SUGCT: variants seen among roughly 807,000 people sequenced by gnomAD.
SUGCT encodes succinyl-CoA:glutarate-CoA transferase.
A neutral mutation model predicts 55.0 loss-of-function variants in SUGCT; 41 were observed. The ratio of observed to expected loss-of-function variants is 0.74; its 90% CI spans 0.58 to 0.97. The LOEUF (loss-of-function observed/expected upper bound fraction) is 0.97, where lower values mean the gene tolerates loss of function less well. Among genes scored for constraint, SUGCT ranks in the 50% least tolerant of loss-of-function variants. SUGCT has a pLI of 0.00. For synonymous variants in SUGCT, 187 were observed against 200.4 expected (o/e 0.93, Z 0.56); for missense variants, 568 against 547.8 (o/e 1.04, Z -0.37).
intron 9 of SUGCT, among the ~76,000 whole-genome samples, chr7:40,444,882 T>G (rs982984710): frequency 2.0e-5 from 3 of 152,240 alleles, no homozygotes; most frequent in African/African-American, 7.2e-5. Flanking sequence ...CCTCTTATTA[T>G]TTTGAGATAC....
chr7:40,876,023 C>A, the SUGCT span, among the ~76,000 whole-genome samples: 2 of 152,208 alleles, frequency 1.3e-5, no homozygotes, highest in East Asian at 1.9e-4. Flanking sequence ...GGGAAAAGAA[C>A]CTGGGTTTTG....
intron 12 of SUGCT, among the ~76,000 whole-genome samples, chr7:40,575,021 G>T (rs190269611): frequency 6.6e-6 from 1 of 151,144 alleles, no homozygotes; most frequent in East Asian, 1.9e-4. Flanking sequence ...CCCCTCCATC[G>T]CACTGCCTCT....
chr7:40,711,763 T>C (rs773198103), intron 12 of SUGCT, among the ~76,000 whole-genome samples: 11 of 152,250 alleles, frequency 7.2e-5, no homozygotes, highest in Admixed American at 4.6e-4. Context: ...ATTCTGTTTA[T>C]ATTTGAAGTC....
intron 12 of SUGCT, among the ~76,000 whole-genome samples, chr7:40,614,529 A>G (rs1417586204): frequency 6.6e-6 from 1 of 152,198 alleles, no homozygotes; most frequent in Non-Finnish European, 1.5e-5. Flanking sequence ...TGCAGTAGTC[A>G]TTGCTATAGA....
intron 11 of SUGCT, among the ~76,000 whole-genome samples, chr7:40,479,967 T>A (rs1473336006): frequency 6.6e-6 from 1 of 152,176 alleles, no homozygotes; most frequent in African/African-American, 2.4e-5. Flanking sequence ...ATTCTGTACA[T>A]CATCTCTTCA....
chr7:40,261,899 G>C (rs1234471871), intron 7 of SUGCT, among the ~76,000 whole-genome samples: 4 of 152,192 alleles, frequency 2.6e-5, no homozygotes, highest in African/African-American at 9.7e-5. Flanking sequence ...TTCTTGAAGA[G>C]CAGCATGGAA....
intron 9 of SUGCT, among the ~76,000 whole-genome samples, chr7:40,376,397 C>A (rs1329643002): frequency 7.2e-6 from 1 of 139,256 alleles, no homozygotes; most frequent in East Asian, 2.1e-4. Flanking sequence ...TTTTTTTTTT[C>A]TTTTTTTTTT....
chr7:41,010,818 T>A, the SUGCT span, among the ~76,000 whole-genome samples: 1 of 152,178 alleles, frequency 6.6e-6, no homozygotes, highest in Non-Finnish European at 1.5e-5. Context: ...TAAAACGATG[T>A]GTCATTTGAT....
chr7:40,777,188 C>G (rs1426036654), intron 13 of SUGCT, among the ~76,000 whole-genome samples: 1 of 152,126 alleles, frequency 6.6e-6, no homozygotes, highest in African/African-American at 2.4e-5. Flanking sequence ...TCATGTTAAC[C>G]AAACACTAAT....
chr7:40,898,480 C>CGGGGGGGGGGGGGGGGGGGGGGGGG, the SUGCT span, among the ~76,000 whole-genome samples: 3 of 5,720 alleles, frequency 5.2e-4, 1 homozygote, highest in Admixed American at 4.6e-3. Context: ...TCCGGGAGGT[C>CGGGGGGGGGGGGGGGGGGGGGGGGG]GGGGGGGGGG....
intron 10 of SUGCT, 96 bp downstream of exon 10, chr7:40,449,454 T>C: frequency 1.2e-6 from 1 of 813,268 alleles, no homozygotes; most frequent in Non-Finnish European, 2.1e-6. Flanking sequence ...CCCCCTGTGT[T>C]AGCAACTAAA....
intron 12 of SUGCT, among the ~76,000 whole-genome samples, chr7:40,744,804 TA>T (rs1787646839): frequency 1.3e-5 from 2 of 152,224 alleles, no homozygotes; most frequent in African/African-American, 4.8e-5. Flanking sequence ...CCTTAACATC[TA>T]ATTTCAACAT....
chr7:40,142,217 G>A (rs1788027638), intron 1 of SUGCT, among the ~76,000 whole-genome samples: 1 of 152,160 alleles, frequency 6.6e-6, no homozygotes, highest in Non-Finnish European at 1.5e-5. Context: ...ATTGGAATGA[G>A]TCAGGGTAGA....
intron 12 of SUGCT, among the ~76,000 whole-genome samples, chr7:40,543,109 C>T (rs78125943): frequency 0.025 from 3,880 of 152,260 alleles, 155 homozygotes; most frequent in African/African-American, 0.09. Context: ...TTCAATACGT[C>T]TGTTTTTAAT....
intron 9 of SUGCT, among the ~76,000 whole-genome samples, chr7:40,410,580 A>G (rs985192207): frequency 6.6e-6 from 1 of 152,138 alleles, no homozygotes; most frequent in African/African-American, 2.4e-5. Context: ...GGCAATATTT[A>G]TTCCCATTTC....
At chr7:40,950,332 C>G in the SUGCT span, among the ~76,000 whole-genome samples, 2 of 152,184 alleles carry the variant, frequency 1.3e-5, no homozygotes, top group African/African-American at 4.8e-5. Flanking sequence ...GCTGAAGTTG[C>G]TTATCAGCTT....
At chr7:40,162,522 G>C (rs1784226545) in intron 1 of SUGCT, among the ~76,000 whole-genome samples, 2 of 152,164 alleles carry the variant, frequency 1.3e-5, no homozygotes, top group African/African-American at 4.8e-5. Flanking sequence ...TGTTGCCCAG[G>C]CTGGAGTGCA....
intron 13 of SUGCT, among the ~76,000 whole-genome samples, chr7:40,791,413 C>G (rs1029763626): frequency 1.3e-5 from 2 of 149,378 alleles, no homozygotes; most frequent in Non-Finnish European, 3.0e-5. Flanking sequence ...AGTTTTCTAA[C>G]TGATTTGCAT....
intron 6 of SUGCT, among the ~76,000 whole-genome samples, chr7:40,209,879 A>G (rs887198455): frequency 6.6e-6 from 1 of 152,088 alleles, no homozygotes; most frequent in Non-Finnish European, 1.5e-5. Flanking sequence ...TTTTGGCCCA[A>G]GTTTTTCTAG....
Sources: allele counts gnomAD v4.1 joint callset (sites outside exome capture counted in the v4.1 genomes callset), GRCh38; gene constraint gnomAD v4.1.1; transcripts MANE v1.5; gene names NCBI Gene and HGNC (gene_info 2026-07-23, HGNC 2026-07-21).